Variants in KSR2 observed in about 807,000 individuals in gnomAD.
KSR2 encodes the protein kinase suppressor of ras 2.
A neutral mutation model predicts 107.8 loss-of-function variants in KSR2; 25 were observed. The ratio of observed to expected loss-of-function variants is 0.23; its 90% CI spans 0.17 to 0.32. The LOEUF (loss-of-function observed/expected upper bound fraction) is 0.32. KSR2 is among the 10% of genes least tolerant of loss of function. The pLI is 1.00. For missense variants in KSR2, 887 were observed against 1,268.9 expected, an observed-to-expected ratio of 0.70 and a Z score of 4.57; for synonymous variants, 480 against 507.0, an observed-to-expected ratio of 0.95 and a Z score of 0.71.
chr12:117,647,777 C>T (rs1375538944), intron 5 of KSR2, among the ~76,000 whole-genome samples: 1 of 152,124 alleles, frequency 6.6e-6, no homozygotes, highest in African/African-American at 2.4e-5. Flanking sequence ...GGCTGGAGTG[C>T]AGTGGCGTGA....
chr12:117,889,792 T>C (rs1309332883), intron 1 of KSR2: 1 of 152,218 alleles, frequency 6.6e-6, no homozygotes, highest in Non-Finnish European at 1.5e-5. Flanking sequence ...ATATTTTGGT[T>C]GTCACAACTT....
chr12:117,555,534 G>GT (rs1427042604), intron 8 of KSR2, among the ~76,000 whole-genome samples: 1 of 152,136 alleles, frequency 6.6e-6, no homozygotes, highest in Admixed American at 6.5e-5. Flanking sequence ...AAGCTATCAG[G>GT]TTTTTTTAAA....
chr12:117,526,017 C>T (rs1028894850), intron 13 of KSR2, among the ~76,000 whole-genome samples: 34 of 152,172 alleles, frequency 2.2e-4, no homozygotes, highest in African/African-American at 7.7e-4. Flanking sequence ...ATAAAATCTG[C>T]CCCAGGGCCG....
chr12:117,948,674 T>C (rs536525991), intron 1 of KSR2, among the ~76,000 whole-genome samples: 6 of 152,266 alleles, frequency 3.9e-5, no homozygotes, highest in African/African-American at 1.4e-4. Flanking sequence ...TTTCAATGAA[T>C]GGTGTAGAAA....
intron 10 of KSR2, among the ~76,000 whole-genome samples, chr12:117,538,462 G>C (rs1435960923): frequency 2.0e-5 from 3 of 152,202 alleles, no homozygotes; most frequent in African/African-American, 7.2e-5. Flanking sequence ...CCAGGTGTGG[G>C]GTGGGGCCTC....
intron 7 of KSR2, among the ~76,000 whole-genome samples, chr12:117,570,600 G>A (rs570956350): frequency 2.0e-5 from 3 of 152,292 alleles, no homozygotes; most frequent in Admixed American, 1.3e-4. Flanking sequence ...CCATGGAAGC[G>A]ATTTAGTGGG....
At chr12:117,753,431 T>C (rs1170323251) in intron 4 of KSR2, among the ~76,000 whole-genome samples, 1 of 152,196 alleles carries the variant, frequency 6.6e-6, no homozygotes, top group Non-Finnish European at 1.5e-5. Context: ...TATGTATATC[T>C]ATGTATATAA....
At chr12:117,800,283 C>T (rs1053258735) in intron 3 of KSR2, among the ~76,000 whole-genome samples, 2 of 152,096 alleles carry the variant, frequency 1.3e-5, no homozygotes, top group Admixed American at 6.5e-5. Flanking sequence ...ATTGAGCCCA[C>T]TATACATGTT....
At chr12:117,840,372 A>G (rs1420855902) in intron 3 of KSR2, among the ~76,000 whole-genome samples, 4 of 152,022 alleles carry the variant, frequency 2.6e-5, no homozygotes, top group Non-Finnish European at 5.9e-5. Context: ...TGCTGGGATT[A>G]CAGGTGTGAG....
chr12:117,563,754 C>A (rs1238781829), intron 7 of KSR2, among the ~76,000 whole-genome samples: 2 of 152,020 alleles, frequency 1.3e-5, no homozygotes, highest in African/African-American at 4.8e-5. Context: ...TATAGGTGGG[C>A]GTTGGTTGAT....
chr12:117,468,618 G>T (rs1158932355), intron 19 of KSR2, among the ~76,000 whole-genome samples: 1 of 152,150 alleles, frequency 6.6e-6, no homozygotes, highest in Non-Finnish European at 1.5e-5. Flanking sequence ...AATGGCTATG[G>T]TACACCACGC....
In KSR2 at chr12:117,673,025, C is replaced by T. The variant is rs1884978320; in HGVS notation, c.987-5367G>A. On this transcript the variant is annotated intron_variant, in intron 4 of 19. Transcript: ENST00000339824. Reference sequence around the variant, plus strand: ...AGATAACCACGGTCATCTCCAAAACCCTGACAGGAGCCTTGAGGCACTGAG... The same window carrying T: ...AGATAACCACGGTCATCTCCAAAACTCTGACAGGAGCCTTGAGGCACTGAG... Among the ~76,000 whole-genome samples, 3 of 152,172 alleles carry T rather than the reference C, an allele frequency of 2.0e-5. No homozygotes were observed. The South Asian group carries it at 6.2e-4, about 32-fold the overall frequency.
rs534611272 is a variant in KSR2, at chr12:117,800,385, C to G, written c.473-38861G>C. ...GTGCTATTTTTAATTATTCTGCCCC[C>G]CCCAAAGCCTAAAACGTCCAAGAGT... On this transcript the variant is annotated intron_variant, in intron 3 of 19. Coordinates refer to ENST00000339824, the MANE Select transcript of KSR2 (RefSeq NM_173598.6). Among the ~76,000 whole-genome samples the G allele has an allele frequency of 9.2e-5, 14 of 152,182 alleles. No individual in the cohort carries two copies. In the East Asian group the frequency reaches 2.3e-3, roughly 25 times the overall value.
At chr12:117,675,123 T>C (rs1170720346) in intron 4 of KSR2, among the ~76,000 whole-genome samples, 1 of 152,230 alleles carries the variant, frequency 6.6e-6, no homozygotes, top group African/African-American at 2.4e-5. Flanking sequence ...CACCACCTGC[T>C]TTCCTTCTTA....
chr12:117,611,575 G>A (rs964485240), intron 5 of KSR2, among the ~76,000 whole-genome samples: 4 of 152,034 alleles, frequency 2.6e-5, no homozygotes, highest in African/African-American at 7.2e-5. Flanking sequence ...AATACGATGG[G>A]GAAAGTGAGT....
chr12:117,611,446 A>ACACACACACACACACACACACG (rs1278726616), intron 5 of KSR2, among the ~76,000 whole-genome samples: 44 of 29,060 alleles, frequency 1.5e-3, no homozygotes, highest in East Asian at 0.014. Context: ...GCACGCACAG[A>ACACACACACACACACACACACG]CACACACACA....
chr12:117,610,096 A>C (rs1168802001), intron 5 of KSR2, among the ~76,000 whole-genome samples: 1 of 152,048 alleles, frequency 6.6e-6, no homozygotes, highest in Non-Finnish European at 1.5e-5. Flanking sequence ...TCTTATTTTT[A>C]TATTTTTTTC....
chr12:117,899,695 T>C (rs1278480517), intron 1 of KSR2, among the ~76,000 whole-genome samples: 3 of 152,142 alleles, frequency 2.0e-5, no homozygotes, highest in Non-Finnish European at 4.4e-5. Context: ...ACAGAACAAG[T>C]GATTTGCTTC....
At chr12:117,914,069 C>T (rs1895104915) in intron 1 of KSR2, among the ~76,000 whole-genome samples, 1 of 152,190 alleles carries the variant, frequency 6.6e-6, no homozygotes, top group Admixed American at 6.5e-5. Flanking sequence ...TCTGTGTATC[C>T]AGTTTCCCGT....
Sources: allele counts gnomAD v4.1 joint callset (sites outside exome capture counted in the v4.1 genomes callset), GRCh38; gene constraint gnomAD v4.1.1; transcripts MANE v1.5; gene names NCBI Gene and HGNC (gene_info 2026-07-23, HGNC 2026-07-21).